The following STX18 variants were observed in gnomAD, a reference collection of about 807,000 sequenced individuals.
STX18 encodes the protein syntaxin-18.
In STX18, 40 loss-of-function variants were observed where a neutral mutation model predicts 50.1. That is an observed-to-expected ratio of 0.80 (90% CI 0.62 to 1.04). STX18 has a LOEUF of 1.04. Ranked by LOEUF, STX18 falls within the 50% of genes least tolerant of loss-of-function variation. The probability of loss-of-function intolerance (pLI) is 0.00; values close to 1 mark genes in which losing one functional copy is unlikely to be tolerated. For synonymous variants in STX18, 158 were observed against 151.8 expected (o/e 1.04, Z -0.30); for missense variants, 410 against 415.8 (o/e 0.99, Z 0.12).
chr4:4,423,805 T>C (rs571730801), intron 8 of STX18: 91 of 575,606 alleles, frequency 1.6e-4, no homozygotes, highest in Non-Finnish European at 2.6e-4. Context: ...ACTGGTCTTT[T>C]TGGAAGTCCA....
chr4:4,460,162 C>G (rs1298815700), intron 2 of STX18, among the ~76,000 whole-genome samples: 2 of 152,162 alleles, frequency 1.3e-5, no homozygotes, highest in Non-Finnish European at 2.9e-5. Context: ...TCTTGCCTGT[C>G]TCTCCCCTCT....
intron 1 of STX18, chr4:4,507,709 G>C (rs1412067698): frequency 1.0e-5 from 11 of 1,073,646 alleles, no homozygotes; most frequent in Non-Finnish European, 1.5e-5. Flanking sequence ...AACACAGACT[G>C]AAACTTTTTC....
chr4:4,437,743 C>G, intron 6 of STX18: 1 of 462,844 alleles, frequency 2.2e-6, no homozygotes, highest in Non-Finnish European at 2.8e-6. Context: ...CCCTGCTCCA[C>G]TCTGCCTTTG....
intron 1 of STX18, among the ~76,000 whole-genome samples, chr4:4,509,464 G>T (rs1419689251): frequency 3.3e-5 from 5 of 151,676 alleles, no homozygotes; most frequent in African/African-American, 1.2e-4. Context: ...TTAGACCCTT[G>T]CCAGGTGGAT....
intron 8 of STX18, among the ~76,000 whole-genome samples, chr4:4,424,387 G>A (rs1725132651): frequency 1.3e-5 from 2 of 152,106 alleles, no homozygotes; most frequent in Admixed American, 6.6e-5. Context: ...GCAGGGGGCA[G>A]GGGAGGAGAT....
chr4:4,420,154 G>A lies in STX18; in HGVS notation c.913-25C>T, dbSNP rs1724852301. The A allele has an allele frequency of 3.2e-6, 5 of 1,584,488 alleles. No homozygotes were observed. In the East Asian group the frequency reaches 6.9e-5, roughly 22 times the overall value. On this transcript the variant is annotated intron_variant, in intron 10 of 10. Coordinates refer to ENST00000306200, the MANE Select transcript of STX18 (RefSeq NM_016930.4). The surrounding 1 kb of genome is among the most constrained non-coding windows in gnomAD (Gnocchi z 4.3). ...CCTGGGCAGGGACGGGAGCACAGGT[G>A]TTTTTATCACACAGGATTTTGGTTT... is the stretch of plus-strand genomic sequence containing the variant.
chr4:4,500,461 A>G lies in STX18; in HGVS notation c.169-28755T>C, dbSNP rs534069494. ...ATACATTGTATTGGGTTTTATAAGT[A>G]ATCCAGAGAAATAAACAGGAGGATG... On this transcript the variant is annotated intron_variant, in intron 1 of 10. Transcript: ENST00000306200. Among the ~76,000 whole-genome samples, 25 of 152,326 alleles carry G rather than the reference A, an allele frequency of 1.6e-4. No individual in the cohort carries two copies. In the South Asian group the frequency reaches 5.2e-3, roughly 32 times the overall value.
At chr4:4,463,833 A>G (rs1462553785) in intron 2 of STX18, among the ~76,000 whole-genome samples, 1 of 152,216 alleles carries the variant, frequency 6.6e-6, no homozygotes, top group Non-Finnish European at 1.5e-5. Context: ...TCTTGGTACT[A>G]TGCATCGGAA....
chr4:4,478,120 T>C (rs1019493131), intron 1 of STX18: 10 of 152,166 alleles, frequency 6.6e-5, no homozygotes, highest in African/African-American at 2.4e-4. Context: ...TAGGTCTGAA[T>C]TTTTCTTCAT....
At chr4:4,495,835 C>T (rs373292982) in intron 1 of STX18, among the ~76,000 whole-genome samples, 1 of 151,952 alleles carries the variant, frequency 6.6e-6, no homozygotes, top group Non-Finnish European at 1.5e-5. Flanking sequence ...AATCCTAGTG[C>T]AAAGAAATGG....
At chr4:4,457,967 G>A (rs904895259) in intron 3 of STX18, among the ~76,000 whole-genome samples, 1 of 152,132 alleles carries the variant, frequency 6.6e-6, no homozygotes, top group Non-Finnish European at 1.5e-5. Flanking sequence ...TCTGTCTCCA[G>A]GAAACCTATG....
chr4:4,467,297 A>G (rs1727662364), intron 2 of STX18, among the ~76,000 whole-genome samples: 1 of 152,180 alleles, frequency 6.6e-6, no homozygotes, highest in African/African-American at 2.4e-5. Flanking sequence ...CATTTGTTTC[A>G]AAGTTAAACT....
intron 6 of STX18, chr4:4,437,708 A>G (rs1372655543): frequency 2.6e-6 from 2 of 778,678 alleles, no homozygotes; most frequent in Non-Finnish European, 3.1e-6. Context: ...CCAGCACGCC[A>G]TCACCCTGTG....
chr4:4,459,249 T>A, intron 3 of STX18, 123 bp downstream of exon 3: 2 of 703,268 alleles, frequency 2.8e-6, no homozygotes, highest in East Asian at 5.1e-5. Flanking sequence ...AGAAAAGATT[T>A]TAACGTTTTA....
In STX18 at chr4:4,453,505, T is replaced by C. The variant is rs1433962718; in HGVS notation, c.497+3686A>G. On this transcript the variant is annotated intron_variant, in intron 5 of 10. Transcript: ENST00000306200. ...GTATGCACATGATTTTTTTTAGACA[T>C]AATGTTATTGCACACTTTATAGTAT... 3 of 165,348 alleles carry C rather than the reference T, an allele frequency of 1.8e-5. No homozygotes were observed. The Admixed American group carries it at 2.0e-4, about 11-fold the overall frequency. The allele number at this position is 165,348 out of a possible 1,614,324, so 10.2% of individuals were successfully genotyped here.
intron 5 of STX18, among the ~76,000 whole-genome samples, chr4:4,447,592 C>CAAAAAAAAAAAAAAAAAAAAAA (rs34300930): frequency 2.2e-5 from 1 of 45,878 alleles, no homozygotes; most frequent in African/African-American, 7.0e-5. Flanking sequence ...CTCCGTCTCA[C>CAAAAAAAAAAAAAAAAAAAAAA]AAAAAAAAAA....
At chr4:4,532,210 A>G (rs952625121) in intron 1 of STX18, among the ~76,000 whole-genome samples, 1 of 152,236 alleles carries the variant, frequency 6.6e-6, no homozygotes, top group African/African-American at 2.4e-5. Flanking sequence ...AACAGAAAAA[A>G]TGTTTGGAAA....
Position 4,420,723 on chromosome 4 carries a change from C to T in STX18, c.912+141G>A. Reference sequence around the variant, plus strand: ...GTGGGTCTCATGAACACACGCAGCTCCGCGGTCACACAATTTTGTGATCAG... The same window carrying T: ...GTGGGTCTCATGAACACACGCAGCTTCGCGGTCACACAATTTTGTGATCAG... On this transcript the variant is annotated intron_variant, in intron 10 of 10. Coordinates refer to ENST00000306200, the MANE Select transcript of STX18 (RefSeq NM_016930.4). The surrounding 1 kb of genome is among the most constrained non-coding windows in gnomAD (Gnocchi z 4.3). 1 of 742,576 alleles carries T rather than the reference C, an allele frequency of 1.3e-6. No homozygotes were observed. The highest frequency in any genetic ancestry group is 2.5e-5 in the East Asian group (1 of 39,256). 46.0% of individuals were successfully genotyped at this position (742,576 alleles called of 1,614,324 possible).
At chr4:4,480,429 T>C (rs567454887) in intron 1 of STX18, among the ~76,000 whole-genome samples, 4 of 152,256 alleles carry the variant, frequency 2.6e-5, no homozygotes, top group African/African-American at 4.8e-5. Context: ...CTCACTCCTA[T>C]GCGTGAGGCT....
Sources: gnomAD v4.1 joint callset for allele counts (sites outside exome capture counted in the v4.1 genomes callset) on GRCh38, gnomAD v4.1.1 for gene constraint, Gnocchi (gnomAD v3.1) non-coding constraint, MANE v1.5 for transcripts, NCBI Gene and HGNC (gene_info 2026-07-23, HGNC 2026-07-21) for gene names.